Variants in PHACTR1 observed in about 807,000 individuals in gnomAD.
PHACTR1 encodes RPEL repeat containing 1.
Under a neutral mutation model 69.2 loss-of-function variants are expected in PHACTR1, and 16 were observed. That is an observed-to-expected ratio of 0.23 (90% confidence interval 0.16 to 0.35). The LOEUF is 0.35. Ranked by LOEUF, PHACTR1 falls within the 10% of genes least tolerant of loss-of-function variation. The probability of loss-of-function intolerance (pLI) is 1.00; values close to 1 mark genes in which losing one functional copy is unlikely to be tolerated. For missense variants in PHACTR1, 510 were observed against 734.7 expected, an observed-to-expected ratio of 0.69 and a Z score of 3.54; for synonymous variants, 312 against 284.5, an observed-to-expected ratio of 1.10 and a Z score of -0.97.
At chr6:13,181,990 T>C (rs1762236079) in intron 6 of PHACTR1, among the ~76,000 whole-genome samples, 1 of 152,162 alleles carries the variant, frequency 6.6e-6, no homozygotes, top group South Asian at 2.1e-4. Context: ...TCCCAGCACT[T>C]TGGGAGGCCC....
At chr6:13,172,733 C>A (rs181144257) in intron 6 of PHACTR1, among the ~76,000 whole-genome samples, 1 of 152,178 alleles carries the variant, frequency 6.6e-6, no homozygotes, top group Non-Finnish European at 1.5e-5. Context: ...AAACTCAGAA[C>A]AATAACCACA....
chr6:12,910,000 C>A (rs922256947), intron 4 of PHACTR1, among the ~76,000 whole-genome samples: 1 of 152,354 alleles, frequency 6.6e-6, no homozygotes, highest in Non-Finnish European at 1.5e-5. Flanking sequence ...CCGCAGCCTT[C>A]GCCTGGTGGT....
intron 5 of PHACTR1, among the ~76,000 whole-genome samples, chr6:13,133,295 G>GTCTCCC (rs1320522514): frequency 7.9e-6 from 1 of 126,446 alleles, no homozygotes; most frequent in African/African-American, 3.0e-5. Flanking sequence ...TCTCCCCACA[G>GTCTCCC]TCTCCCTCTC....
chr6:12,741,612 T>A (rs538611747), intron 3 of PHACTR1, among the ~76,000 whole-genome samples: 3 of 152,272 alleles, frequency 2.0e-5, no homozygotes, highest in Admixed American at 2.0e-4. Flanking sequence ...TTTCTGTTGA[T>A]CTATTTATCT....
At chr6:13,085,302 A>T (rs1399134298) in intron 5 of PHACTR1, among the ~76,000 whole-genome samples, 1 of 152,070 alleles carries the variant, frequency 6.6e-6, no homozygotes, top group East Asian at 1.9e-4. Context: ...ATACTGTGTT[A>T]TTAAAATGTT....
chr6:13,078,537 G>A (rs978121477), intron 5 of PHACTR1, among the ~76,000 whole-genome samples: 1 of 152,186 alleles, frequency 6.6e-6, no homozygotes, highest in Non-Finnish European at 1.5e-5. Flanking sequence ...ACAGACTATT[G>A]CTCTCAAAAG....
chr6:12,996,362 C>A lies in PHACTR1; in HGVS notation c.251-57003C>A, dbSNP rs1001532941. ...ATCAAAAACAAAACAAAAGAAGGCA[C>A]AAACAGACTATTAGAAGGACACAGT... On this transcript the variant is annotated intron_variant, in intron 4 of 14. Coordinates refer to ENST00000332995, the MANE Select transcript of PHACTR1 (RefSeq NM_030948.6). Among the ~76,000 whole-genome samples the A allele has an allele frequency of 4.6e-5, 7 of 152,102 alleles. 1 individual carries two copies. The East Asian group carries it at 1.4e-3, about 29-fold the overall frequency.
At chr6:12,930,755 A>G (rs1396429228) in intron 4 of PHACTR1, among the ~76,000 whole-genome samples, 3 of 152,216 alleles carry the variant, frequency 2.0e-5, no homozygotes, top group Non-Finnish European at 4.4e-5. Context: ...TTGAGTCCAG[A>G]AAGGTGACAA....
chr6:12,953,864 C>T (rs112303490), intron 4 of PHACTR1, among the ~76,000 whole-genome samples: 377 of 152,266 alleles, frequency 2.5e-3, no homozygotes, highest in African/African-American at 8.7e-3. Context: ...TTGAAATACT[C>T]TTATGTCCCA....
chr6:12,921,411 A>G (rs1292968217), intron 4 of PHACTR1, among the ~76,000 whole-genome samples: 3 of 151,008 alleles, frequency 2.0e-5, no homozygotes, highest in Admixed American at 6.6e-5. Context: ...CAAGACTAAA[A>G]TGCTAGTGCA....
chr6:13,264,648 GGCAGAGGTT>G, intron 10 of PHACTR1, among the ~76,000 whole-genome samples: 1 of 152,298 alleles, frequency 6.6e-6, no homozygotes, highest in East Asian at 1.9e-4. Flanking sequence ...GAACCTGGGA[GGCAGAGGTT>G]GCAGTGAGCC....
intron 4 of PHACTR1, among the ~76,000 whole-genome samples, chr6:12,811,625 A>C (rs1775020848): frequency 6.6e-6 from 1 of 152,182 alleles, no homozygotes; most frequent in Non-Finnish European, 1.5e-5. Flanking sequence ...TATCTTGACC[A>C]AATCTTCTCC....
intron 8 of PHACTR1, among the ~76,000 whole-genome samples, chr6:13,212,344 A>G (rs1019501219): frequency 6.6e-6 from 1 of 152,130 alleles, no homozygotes; most frequent in Non-Finnish European, 1.5e-5. Flanking sequence ...AATCCTCCCC[A>G]TGGCCCAGAA....
intron 5 of PHACTR1, among the ~76,000 whole-genome samples, chr6:13,100,102 C>T (rs543323195): frequency 2.6e-5 from 4 of 152,284 alleles, no homozygotes; most frequent in African/African-American, 9.6e-5. Context: ...TAGTCCTCAA[C>T]CATCACTAGG....
At chr6:13,212,439 C>G (rs986259632) in intron 8 of PHACTR1, among the ~76,000 whole-genome samples, 1 of 152,130 alleles carries the variant, frequency 6.6e-6, no homozygotes, top group Non-Finnish European at 1.5e-5. Context: ...CTCTGTGACC[C>G]CTTCTCAGAT....
chr6:13,197,344 C>T (rs1221194900), intron 7 of PHACTR1, among the ~76,000 whole-genome samples: 3 of 152,202 alleles, frequency 2.0e-5, no homozygotes, highest in Non-Finnish European at 4.4e-5. Flanking sequence ...GATTTCAACC[C>T]TAAGGTCCCC....
chr6:13,049,909 C>T (rs1171904996), intron 4 of PHACTR1, among the ~76,000 whole-genome samples: 1 of 152,064 alleles, frequency 6.6e-6, no homozygotes, highest in East Asian at 1.9e-4. Context: ...GGTTTGAAGG[C>T]AGGAGAGTAA....
intron 4 of PHACTR1, among the ~76,000 whole-genome samples, chr6:12,997,503 T>C (rs1253254212): frequency 6.6e-6 from 1 of 151,504 alleles, no homozygotes; most frequent in Non-Finnish European, 1.5e-5. Context: ...TGACACATGA[T>C]CACAGCATAT....
chr6:12,750,727 G>T (rs1485501709), intron 4 of PHACTR1, among the ~76,000 whole-genome samples: 2 of 152,134 alleles, frequency 1.3e-5, no homozygotes, highest in African/African-American at 4.8e-5. Flanking sequence ...TGCCTTACTC[G>T]TGTGTGGTCA....
Sources: gnomAD v4.1 joint callset for allele counts (sites outside exome capture counted in the v4.1 genomes callset) on GRCh38, gnomAD v4.1.1 for gene constraint, MANE v1.5 for transcripts, NCBI Gene and HGNC (gene_info 2026-07-23, HGNC 2026-07-21) for gene names.